Variants in RAD50 observed in about 807,000 individuals in gnomAD.
The protein encoded by RAD50 is DNA repair protein RAD50.
RAD50 carries 132 observed loss-of-function variants against 168.8 expected under a neutral mutation model. That is an observed-to-expected ratio of 0.78 (90% CI 0.68 to 0.90). The LOEUF is 0.90. RAD50 is among the 40% of genes least tolerant of loss of function. The probability of loss-of-function intolerance (pLI) is 0.00; values close to 1 mark genes in which losing one functional copy is unlikely to be tolerated. For synonymous variants in RAD50, 525 were observed against 497.4 expected, an observed-to-expected ratio of 1.06 and a Z score of -0.74; for missense variants, 1,347 against 1,534.4, an observed-to-expected ratio of 0.88 and a Z score of 2.04.
intron 2 of RAD50, among the ~76,000 whole-genome samples, chr5:132,561,792 C>T (rs1158079446): frequency 1.3e-5 from 2 of 152,028 alleles, no homozygotes; most frequent in African/African-American, 4.8e-5. Context: ...CCTCAGTACC[C>T]CACCCCCGCC....
rs746614843 is a variant in RAD50, at chr5:132,591,446, C to T, written c.1635+40C>T. On this transcript the variant is annotated intron_variant, in intron 10 of 24. Coordinates refer to ENST00000378823, the MANE Select transcript of RAD50 (RefSeq NM_005732.4). ...TTTGTTCTAATTATACTGTCTGGTA[C>T]TTAAAATAGCCTACCTTGCACTCAT... The T allele has an allele frequency of 2.6e-6, 4 of 1,566,114 alleles. No individual in the cohort carries two copies. In the African/African-American group the frequency reaches 5.4e-5, roughly 21 times the overall value.
chr5:132,591,556 A>G, intron 10 of RAD50, 150 bp downstream of exon 10: 1 of 791,114 alleles, frequency 1.3e-6, no homozygotes, highest in Non-Finnish European at 2.0e-6. Flanking sequence ...ATAGACTTTC[A>G]AGCTTAAAAG....
At chr5:132,638,878 C>T (rs965513808) in intron 23 of RAD50, among the ~76,000 whole-genome samples, 5 of 152,208 alleles carry the variant, frequency 3.3e-5, no homozygotes, top group Non-Finnish European at 7.3e-5. Flanking sequence ...GGATCCTTCA[C>T]TGTGCACAGG....
chr5:132,579,625 T>C lies in RAD50; in HGVS notation c.551+123T>C, dbSNP rs2522403. 229,692 of 998,576 alleles carry C rather than the reference T, an allele frequency of 0.23. 32,766 individuals are homozygous for C. Among genetic ancestry groups the C allele is most frequent in the African/African-American group, 0.63 (38,529 of 61,582 alleles). 61.9% of individuals were successfully genotyped at this position (998,576 alleles called of 1,614,324 possible). ...AAAGGTCATCAGTTACTACCTCTCA[T>C]CCAGCAGCAACCATTGGGCATATTT... On this transcript the variant is annotated intron_variant, in intron 4 of 24. Coordinates refer to ENST00000378823, the MANE Select transcript of RAD50 (RefSeq NM_005732.4).
chr5:132,580,119 AGC>A, intron 5 of RAD50, 53 bp downstream of exon 5: 2 of 1,438,392 alleles, frequency 1.4e-6, no homozygotes, highest in Non-Finnish European at 2.0e-6. Context: ...TATGGTATAC[AGC>A]ATGATGTTTT....
At chr5:132,620,399 C>T (rs528579556) in intron 21 of RAD50, among the ~76,000 whole-genome samples, 1 of 152,214 alleles carries the variant, frequency 6.6e-6, no homozygotes, top group African/African-American at 2.4e-5. Context: ...CCTGGGTTGG[C>T]CTGGGTTCTC....
At chr5:132,588,914 G>T in intron 8 of RAD50, 34 bp downstream of exon 8, 1 of 1,573,520 alleles carries the variant, frequency 6.4e-7, no homozygotes, top group Non-Finnish European at 8.7e-7. Context: ...TTGTTATTTT[G>T]TTTGCATCAT....
intron 6 of RAD50, 101 bp downstream of exon 6, chr5:132,587,791 A>G: frequency 6.4e-7 from 1 of 1,564,820 alleles, no homozygotes; most frequent in Non-Finnish European, 8.8e-7. Context: ...AAAAACAAAT[A>G]CAGATCTTGT....
At chr5:132,639,353 C>CAAAAAAA (rs980327824) in intron 23 of RAD50, among the ~76,000 whole-genome samples, 1 of 82,668 alleles carries the variant, frequency 1.2e-5, no homozygotes. Flanking sequence ...AACTCCGTCT[C>CAAAAAAA]AAAAAAAAAA....
At chr5:132,587,440 T>G in intron 5 of RAD50, 122 bp from the exon 6 acceptor site, 1 of 1,411,406 alleles carries the variant, frequency 7.1e-7, no homozygotes, top group South Asian at 1.4e-5. Context: ...ACAGTGTTAT[T>G]GTTAGCCTTA....
At chr5:132,607,418 T>C (rs1275664106) in intron 16 of RAD50, among the ~76,000 whole-genome samples, 2 of 152,178 alleles carry the variant, frequency 1.3e-5, no homozygotes, top group African/African-American at 4.8e-5. Context: ...TTATATAGAT[T>C]AATCACATCT....
intron 21 of RAD50, among the ~76,000 whole-genome samples, chr5:132,635,562 A>G (rs1751564024): frequency 6.6e-6 from 1 of 152,194 alleles, no homozygotes; most frequent in South Asian, 2.1e-4. Flanking sequence ...AGACCTGGCC[A>G]TGGGACAGGA....
intron 21 of RAD50, among the ~76,000 whole-genome samples, chr5:132,632,972 T>C (rs1269832399): frequency 6.6e-6 from 1 of 152,238 alleles, no homozygotes; most frequent in Non-Finnish European, 1.5e-5. Flanking sequence ...TGCCAGTTTT[T>C]CTACTAGGTT....
At chr5:132,563,776 TA>T (rs1750160698) in intron 2 of RAD50, among the ~76,000 whole-genome samples, 1 of 152,244 alleles carries the variant, frequency 6.6e-6, no homozygotes, top group African/African-American at 2.4e-5. Flanking sequence ...TGTCAAATTG[TA>T]ACCCCCATTG....
At chr5:132,633,909 T>G (rs1031507799) in intron 21 of RAD50, among the ~76,000 whole-genome samples, 1 of 152,232 alleles carries the variant, frequency 6.6e-6, no homozygotes, top group Non-Finnish European at 1.5e-5. Flanking sequence ...ATAATTTTTT[T>G]TTTATCTTTT....
rs1490322684 is a variant in RAD50, at chr5:132,579,486, A to G, written c.535A>G (p.Ile179Val). ...GKALKQKFDE[I>V]FSATRYIKAL... Reference sequence around the variant, plus strand: ...GGCTTTGAAGCAAAAGTTTGATGAGATTTTTTCAGCAACAAGGTTTGTAAC... The same window carrying G: ...GGCTTTGAAGCAAAAGTTTGATGAGGTTTTTTCAGCAACAAGGTTTGTAAC... The change falls in exon 4 of 25, where the codon ATT (isoleucine) becomes GTT (valine). Residue 179 changes from isoleucine to valine, a missense_variant. Physicochemically the swap from Ile to Val is conservative, Grantham distance 29 (BLOSUM62 3). This residue lies in a region of RAD50 where 703 missense variants were observed against 767.7 expected (regional missense o/e 0.92). Transcript: ENST00000378823. 1.2e-6 allele frequency: 2 copies of G among 1,613,110 alleles called. No individual in the cohort carries two copies. The highest frequency in any genetic ancestry group is 8.5e-7 in the Non-Finnish European group (1 of 1,179,446).
chr5:132,617,977 T>G, intron 20 of RAD50, 93 bp from the exon 21 acceptor site: 2 of 1,019,808 alleles, frequency 2.0e-6, no homozygotes, highest in Non-Finnish European at 3.1e-6. Context: ...AGGAGAATGA[T>G]ACTTAACCTA....
At chr5:132,570,277 GA>G (rs767876519) in intron 2 of RAD50, among the ~76,000 whole-genome samples, 42 of 152,212 alleles carry the variant, frequency 2.8e-4, no homozygotes, top group Non-Finnish European at 5.0e-4. Flanking sequence ...AATGGGGGGG[GA>G]AATGGAGAAA....
At chr5:132,629,823 C>T (rs1269802154) in intron 21 of RAD50, among the ~76,000 whole-genome samples, 1 of 152,106 alleles carries the variant, frequency 6.6e-6, no homozygotes, top group Non-Finnish European at 1.5e-5. Context: ...TAGTAATCAT[C>T]TAAAAACATC....
Sources: allele counts gnomAD v4.1 joint callset (sites outside exome capture counted in the v4.1 genomes callset), GRCh38; gene constraint gnomAD v4.1.1; regional missense constraint gnomAD v4.1.1; transcripts MANE v1.5; gene names NCBI Gene and HGNC (gene_info 2026-07-23, HGNC 2026-07-21).